The following SCAMP5 variants were observed in gnomAD, a reference collection of about 807,000 sequenced individuals.
The protein encoded by SCAMP5 is secretory carrier-associated membrane protein 5.
A neutral mutation model predicts 28.3 loss-of-function variants in SCAMP5; 7 were observed. The ratio of observed to expected loss-of-function variants is 0.25; its 90% CI spans 0.14 to 0.46. The LOEUF (loss-of-function observed/expected upper bound fraction) is 0.46. Among genes scored for constraint, SCAMP5 ranks in the 20% least tolerant of loss-of-function variants. The pLI is 0.99. For missense variants in SCAMP5, 192 were observed against 312.5 expected (o/e 0.61, Z 2.91); for synonymous variants, 117 against 116.4 (o/e 1.00, Z -0.03).
chr15:74,997,719 G>A (rs996331334), intron 1 of SCAMP5, among the ~76,000 whole-genome samples: 2 of 152,176 alleles, frequency 1.3e-5, no homozygotes, highest in African/African-American at 2.4e-5. Context: ...GCAGCCAAAG[G>A]TGGTGGGAGG....
At chr15:75,014,231 G>GTCTTCCTACC (rs1474103037) in intron 3 of SCAMP5, among the ~76,000 whole-genome samples, 4 of 152,162 alleles carry the variant, frequency 2.6e-5, no homozygotes, top group African/African-American at 9.7e-5. Context: ...GTAGGAAGAG[G>GTCTTCCTACC]ATGGGGCAGA....
rs1280024886 is a variant in SCAMP5 at position 75,020,876 on chromosome 15, T to C, written c.*1893T>C. 6.6e-6 allele frequency: 1 copy of C among 152,170 alleles called. No homozygotes were observed. Among genetic ancestry groups the C allele is most frequent in the Non-Finnish European group, 1.5e-5 (1 of 68,062 alleles). 9.4% of individuals were successfully genotyped at this position (152,170 alleles called of 1,614,324 possible). On this transcript the variant is annotated 3_prime_UTR_variant, in exon 7 of 7. Coordinates refer to ENST00000425597, the MANE Select transcript of SCAMP5 (RefSeq NM_138967.4). Reference sequence around the variant, plus strand: ...TGGTCCTTTAGGTTTGGGCACAAAATATAATTGCCTCTCCCCTCTCCCATT... The same window carrying C: ...TGGTCCTTTAGGTTTGGGCACAAAACATAATTGCCTCTCCCCTCTCCCATT...
chr15:75,002,446 C>T (rs1004730465), intron 1 of SCAMP5, among the ~76,000 whole-genome samples: 1 of 152,134 alleles, frequency 6.6e-6, no homozygotes, highest in Non-Finnish European at 1.5e-5. Context: ...CCCCCATATC[C>T]TACCCAGGTG....
chr15:75,012,945 T>C, intron 3 of SCAMP5, 140 bp downstream of exon 3: 2 of 781,784 alleles, frequency 2.6e-6, no homozygotes, highest in Admixed American at 5.5e-5. Context: ...CCATAAGTCT[T>C]CCCCTGCCAG....
intron 1 of SCAMP5, among the ~76,000 whole-genome samples, chr15:74,999,374 G>A (rs1410030343): frequency 2.0e-5 from 3 of 152,094 alleles, no homozygotes; most frequent in Admixed American, 2.0e-4. Flanking sequence ...ATCACTTATA[G>A]AAACCCCTCT....
At chr15:75,003,787 G>C (rs1469239527) in intron 1 of SCAMP5, among the ~76,000 whole-genome samples, 5 of 152,162 alleles carry the variant, frequency 3.3e-5, no homozygotes, top group Non-Finnish European at 7.3e-5. Context: ...TCCAGCCTGG[G>C]TGACAAAGTG....
At chr15:75,010,007 T>C (rs2065796795) in intron 1 of SCAMP5, 1 of 152,228 alleles carries the variant, frequency 6.6e-6, no homozygotes, top group South Asian at 2.1e-4. Context: ...TAAGCAAATT[T>C]CTGCCCAGCT....
chr15:74,998,463 AG>A (rs2065672307), intron 1 of SCAMP5, among the ~76,000 whole-genome samples: 1 of 152,090 alleles, frequency 6.6e-6, no homozygotes, highest in South Asian at 2.1e-4. Context: ...AAAATTAGCC[AG>A]GCATGGTGGT....
intron 4 of SCAMP5, chr15:75,017,621 C>G: frequency 1.7e-6 from 1 of 581,870 alleles, no homozygotes; most frequent in South Asian, 2.1e-5. Context: ...ATGAGGCCGT[C>G]CATCCATGTA....
intron 3 of SCAMP5, among the ~76,000 whole-genome samples, chr15:75,014,572 A>G (rs1361240842): frequency 1.3e-5 from 2 of 152,126 alleles, no homozygotes. Flanking sequence ...CTTTTTTCTT[A>G]GCAACATTCA....
Position 75,016,597 on chromosome 15 carries a change from C to T in SCAMP5, c.141C>T (p.Asn47=). 5 of 1,612,134 alleles carry T rather than the reference C, an allele frequency of 3.1e-6. No homozygotes were observed. The highest frequency in any genetic ancestry group is 4.2e-6 in the Non-Finnish European group (5 of 1,179,400). ...CATGTGCTCCTGGGCCTGCAGTGAA[C>T]AGCGTCACGCTGGCCGTGAACCTGG... The part of the protein sequence containing the change: ...TKRLYYLWML[N]SVTLAVNLVG... Residue 47 remains asparagine (N), a synonymous_variant, in exon 4 of 7, where the codon AAC becomes AAT. Coordinates refer to ENST00000425597, the MANE Select transcript of SCAMP5 (RefSeq NM_138967.4).
chr15:75,015,568 AGAT>A (rs902051827), intron 3 of SCAMP5, among the ~76,000 whole-genome samples: 10 of 151,986 alleles, frequency 6.6e-5, no homozygotes, highest in African/African-American at 2.4e-4. Flanking sequence ...GAGGGATGGG[AGAT>A]GATGAGGTTG....
rs373257736 is a variant in SCAMP5 at position 75,018,797 on chromosome 15, A to G, written c.522A>G (p.Lys174=). The G allele has an allele frequency of 2.6e-5, 41 of 1,606,130 alleles. No homozygotes were observed. The African/African-American group carries it at 5.5e-4, about 22-fold the overall frequency. ...CGCTCTTTTTCCTACAGGTTCATAA[A>G]TTTTACCGGGGAAGTGGGGGGAGTT... The part of the protein sequence containing the change: ...FSFIALSMVH[K]FYRGSGGSFS... Residue 174 remains lysine, a synonymous_variant, in exon 7 of 7, where the codon AAA becomes AAG. Transcript: ENST00000425597. The surrounding 1 kb of genome is among the most constrained non-coding windows in gnomAD (Gnocchi z 5.6).
At chr15:75,009,454 T>C (rs2065791295) in intron 1 of SCAMP5, among the ~76,000 whole-genome samples, 1 of 150,908 alleles carries the variant, frequency 6.6e-6, no homozygotes, top group African/African-American at 2.4e-5. Context: ...TGTGTGTGTG[T>C]GTGTGTGTGT....
At position 75,011,862 on chromosome 15, in the gene SCAMP5, G is replaced by C. The variant is rs1181852197; in HGVS notation, c.7+16G>C. ...ATCATGGCAGGTAAGGAGAGGGGCA[G>C]GCTGTGTGGGTAGGACATGACAGTG... On this transcript the variant is annotated intron_variant, in intron 2 of 6. Transcript: ENST00000425597. The C allele has an allele frequency of 1.2e-6, 2 of 1,610,436 alleles. No homozygotes were observed. Among genetic ancestry groups the C allele is most frequent in the East Asian group, 4.5e-5 (2 of 44,846 alleles).
chr15:75,014,077 C>T (rs989302989), intron 3 of SCAMP5, among the ~76,000 whole-genome samples: 1 of 152,032 alleles, frequency 6.6e-6, no homozygotes, highest in Non-Finnish European at 1.5e-5. Context: ...CCAAGATACC[C>T]GCAATGTAAC....
intron 1 of SCAMP5, among the ~76,000 whole-genome samples, chr15:75,000,355 C>A (rs2065692232): frequency 6.6e-6 from 1 of 151,778 alleles, no homozygotes; most frequent in Non-Finnish European, 1.5e-5. Context: ...AGGCACATGC[C>A]ACCGGGCTAG....
In SCAMP5 at chr15:75,018,915, G is replaced by C. The variant is rs532913950; in HGVS notation, c.640G>C (p.Gly214Arg). Reference protein sequence around the residue: ...AQNAAMGAAQGAMNQPQTQYS... With the variant: ...AQNAAMGAAQRAMNQPQTQYS... ...GAACGCAGCCATGGGGGCAGCCCAG[G>C]GTGCCATGAATCAGCCTCAGACTCA... The change falls in exon 7 of 7, where the codon GGT becomes CGT. Residue 214 changes from glycine (G) to arginine (R), a missense_variant. Transcript: ENST00000425597. The surrounding 1 kb of genome is among the most constrained non-coding windows in gnomAD (Gnocchi z 5.6). 1 of 1,575,954 alleles carries C rather than the reference G, an allele frequency of 6.3e-7. No homozygotes were observed. The highest frequency in any genetic ancestry group is 2.3e-5 in the East Asian group (1 of 44,322).
At position 75,017,989 on chromosome 15, in the gene SCAMP5, G is replaced by A. The variant is rs200749765; in HGVS notation, c.395+18G>A. The A allele has an allele frequency of 3.1e-4, 485 of 1,539,892 alleles. No homozygotes were observed. The highest frequency in any genetic ancestry group is 4.0e-4 in the Non-Finnish European group (442 of 1,113,254). ...GGCGTCTGGTAAGAGGCAGGGGTGT[G>A]GCCTGGGGCTGGCAGGGGTGGCGTT... On this transcript the variant is annotated intron_variant, in intron 5 of 6. Coordinates refer to ENST00000425597, the MANE Select transcript of SCAMP5 (RefSeq NM_138967.4).
Sources: allele counts gnomAD v4.1 joint callset (sites outside exome capture counted in the v4.1 genomes callset), GRCh38; gene constraint gnomAD v4.1.1; non-coding constraint Gnocchi (gnomAD v3.1); transcripts MANE v1.5; gene names NCBI Gene and HGNC (gene_info 2026-07-23, HGNC 2026-07-21).